Variants in FARS2 observed in about 807,000 individuals in gnomAD.
The protein encoded by FARS2 is phenylalanyl-tRNA synthetase 2, mitochondrial, also known as phenylalanine--tRNA ligase, mitochondrial.
In FARS2, 40 loss-of-function variants were observed where a neutral mutation model predicts 46.4. The ratio of observed to expected loss-of-function variants is 0.86; its 90% CI spans 0.67 to 1.12. The LOEUF is 1.12. FARS2 is among the 50% of genes most tolerant of loss of function. FARS2 has a pLI of 0.00. For missense variants in FARS2, 513 were observed against 567.9 expected, an observed-to-expected ratio of 0.90 and a Z score of 0.98; for synonymous variants, 234 against 214.9, an observed-to-expected ratio of 1.09 and a Z score of -0.78.
chr6:5,671,580 G>A (rs1412193163), intron 6 of FARS2, among the ~76,000 whole-genome samples: 3 of 152,122 alleles, frequency 2.0e-5, no homozygotes, highest in Non-Finnish European at 4.4e-5. Flanking sequence ...CAACACTGTC[G>A]GGCCAGTCTG....
intron 6 of FARS2, among the ~76,000 whole-genome samples, chr6:5,746,993 T>C (rs1761683626): frequency 6.6e-6 from 1 of 152,144 alleles, no homozygotes; most frequent in Non-Finnish European, 1.5e-5. Flanking sequence ...TGGTAACAGA[T>C]GAGCAAAGAC....
chr6:5,280,347 T>TC (rs1376639654), intron 1 of FARS2, among the ~76,000 whole-genome samples: 7 of 152,224 alleles, frequency 4.6e-5, no homozygotes, highest in Admixed American at 3.3e-4. Context: ...AATTAATTGC[T>TC]CTTTCTGTAC....
At chr6:5,701,490 G>A (rs923363951) in intron 6 of FARS2, among the ~76,000 whole-genome samples, 1 of 152,184 alleles carries the variant, frequency 6.6e-6, no homozygotes, top group East Asian at 1.9e-4. Context: ...CTATTATTGG[G>A]ACCAAGGACT....
At chr6:5,576,211 G>T (rs1772952267) in intron 5 of FARS2, among the ~76,000 whole-genome samples, 1 of 152,118 alleles carries the variant, frequency 6.6e-6, no homozygotes, top group African/African-American at 2.4e-5. Flanking sequence ...TATGGATCCT[G>T]GGTGTGTCTG....
intron 3 of FARS2, among the ~76,000 whole-genome samples, chr6:5,427,078 G>A (rs1414136962): frequency 2.0e-5 from 3 of 152,072 alleles, no homozygotes; most frequent in Non-Finnish European, 4.4e-5. Flanking sequence ...GCAAATTTTG[G>A]CCTTTTTTAT....
At chr6:5,352,270 C>T (rs1389470533) in intron 1 of FARS2, among the ~76,000 whole-genome samples, 1 of 150,474 alleles carries the variant, frequency 6.6e-6, no homozygotes, top group African/African-American at 2.5e-5. Context: ...GATAGGTGAT[C>T]GACTGTCATA....
chr6:5,509,655 C>G (rs936893587), intron 4 of FARS2, among the ~76,000 whole-genome samples: 2 of 152,158 alleles, frequency 1.3e-5, no homozygotes, highest in African/African-American at 4.8e-5. Flanking sequence ...AGAGGGTGGT[C>G]CATCTAGCTT....
intron 2 of FARS2, among the ~76,000 whole-genome samples, chr6:5,371,869 A>G (rs756126261): frequency 5.9e-5 from 9 of 152,126 alleles, no homozygotes; most frequent in Non-Finnish European, 1.3e-4. Context: ...ATGAATTTAA[A>G]TGGGTTAAAC....
chr6:5,451,176 C>T (rs1764470165), intron 4 of FARS2, among the ~76,000 whole-genome samples: 1 of 151,990 alleles, frequency 6.6e-6, no homozygotes, highest in South Asian at 2.1e-4. Context: ...ATATTTTCAT[C>T]TTATTTTTAT....
chr6:5,367,464 GC>G (rs1758758859), intron 1 of FARS2, among the ~76,000 whole-genome samples: 1 of 152,004 alleles, frequency 6.6e-6, no homozygotes. Context: ...GGCTTCTGTG[GC>G]AGTGGGAAGA....
At chr6:5,268,132 A>C (rs111409164) in intron 1 of FARS2, among the ~76,000 whole-genome samples, 5 of 152,032 alleles carry the variant, frequency 3.3e-5, no homozygotes, top group East Asian at 1.9e-4. Context: ...AGATTGCAAA[A>C]ATTTTCTCCC....
At chr6:5,646,266 C>T (rs1777068115) in intron 6 of FARS2, among the ~76,000 whole-genome samples, 1 of 152,174 alleles carries the variant, frequency 6.6e-6, no homozygotes, top group Admixed American at 6.5e-5. Flanking sequence ...TCTAATGCTG[C>T]TCTAATATCC....
At chr6:5,367,179 C>T (rs1285971916) in intron 1 of FARS2, among the ~76,000 whole-genome samples, 1 of 152,222 alleles carries the variant, frequency 6.6e-6, no homozygotes, top group Non-Finnish European at 1.5e-5. Context: ...TGTCCAGGGA[C>T]AGACTGTGCT....
intron 3 of FARS2, among the ~76,000 whole-genome samples, chr6:5,409,803 C>A (rs1454581411): frequency 1.3e-5 from 2 of 152,210 alleles, no homozygotes; most frequent in African/African-American, 2.4e-5. Context: ...CATCCTGAAA[C>A]TGCTGAAAGG....
At position 5,764,275 on chromosome 6, in the gene FARS2, A is replaced by G. The variant is rs1283420854; in HGVS notation, c.1218-7016A>G. 6.6e-6 allele frequency among the ~76,000 whole-genome samples: 1 copy of G among 152,134 alleles called. No individual in the cohort carries two copies. Among genetic ancestry groups the G allele is most frequent in the Non-Finnish European group, 1.5e-5 (1 of 68,026 alleles). On this transcript the variant is annotated intron_variant, in intron 6 of 6. Transcript: ENST00000274680. This position sits in a 1 kb window ranked among gnomAD's most constrained non-coding sequence, Gnocchi z 4.1. ...GCAGGAATTAGAACCAAGTTTCTCT[A>G]GCTGCAAAGTCTGGTTCTCCACTCC...
intron 5 of FARS2, among the ~76,000 whole-genome samples, chr6:5,559,127 C>T (rs528024069): frequency 7.3e-5 from 11 of 151,574 alleles, no homozygotes; most frequent in South Asian, 2.1e-4. Context: ...AGTGGTTAGG[C>T]GCAGGGGCCT....
chr6:5,600,976 G>A (rs1267524954), intron 5 of FARS2, among the ~76,000 whole-genome samples: 5 of 151,912 alleles, frequency 3.3e-5, no homozygotes, highest in Admixed American at 6.6e-5. Flanking sequence ...GATCTCTCAG[G>A]AATGGGATTA....
chr6:5,676,253 C>G (rs1334100735), intron 6 of FARS2, among the ~76,000 whole-genome samples: 1 of 152,186 alleles, frequency 6.6e-6, no homozygotes, highest in Non-Finnish European at 1.5e-5. Context: ...AGGGATTCTG[C>G]TCTTGTCTTT....
chr6:5,561,557 C>A (rs181717306), intron 5 of FARS2, among the ~76,000 whole-genome samples: 1 of 152,026 alleles, frequency 6.6e-6, no homozygotes, highest in Non-Finnish European at 1.5e-5. Context: ...ATAATAATGC[C>A]TTTTATTTTG....
Sources: allele counts gnomAD v4.1 joint callset (sites outside exome capture counted in the v4.1 genomes callset), GRCh38; gene constraint gnomAD v4.1.1; non-coding constraint Gnocchi (gnomAD v3.1); transcripts MANE v1.5; gene names NCBI Gene and HGNC (gene_info 2026-07-23, HGNC 2026-07-21).